Variants in RAB44 observed in about 807,000 individuals in gnomAD.
RAB44 encodes the protein ras-related protein Rab-44.
In RAB44, 67 loss-of-function variants were observed where a neutral mutation model predicts 93.3. That is an observed-to-expected ratio of 0.72 (90% CI 0.59 to 0.88). RAB44 has a LOEUF of 0.88. RAB44 is among the 40% of genes least tolerant of loss of function. The pLI is 0.00. For synonymous variants in RAB44, 427 were observed against 520.3 expected (o/e 0.82, Z 2.44); for missense variants, 1,064 against 1,261.7 (o/e 0.84, Z 2.37).
At chr6:36,715,747 G>A (rs982020012) in intron 4 of RAB44, 94 bp downstream of exon 4, 5 of 1,291,770 alleles carry the variant, frequency 3.9e-6, no homozygotes, top group African/African-American at 1.5e-5. Flanking sequence ...GGGGGCAGGC[G>A]CCAGGTAGAG....
chr6:36,705,068 C>T (rs983762176), intron 2 of RAB44, among the ~76,000 whole-genome samples: 16 of 148,750 alleles, frequency 1.1e-4, no homozygotes, highest in African/African-American at 3.5e-4. Context: ...TTGCAGTGAG[C>T]CAAGATCACA....
In RAB44 at chr6:36,721,421, T is replaced by A. The variant is rs75667310; in HGVS notation, c.1287T>A (p.Asp429Glu). Residue 429 changes from aspartate (D) to glutamate (E), a missense_variant, in exon 9 of 14, where the codon GAT becomes GAA. Coordinates refer to ENST00000612677, the MANE Select transcript of RAB44 (RefSeq NM_001257357.2). ...LFGQEPSSDP[D>E]GAPRTPPGVT... ...GTCAGGAGCCATCTTCAGATCCAGA[T>A]GGGGCTCCAAGGACCCCACCTGGGG... 34,324 of 1,234,042 alleles carry A rather than the reference T, an allele frequency of 0.028. 2,790 individuals carry two copies. The African/African-American group carries it at 0.28, about 10-fold the overall frequency. The allele number at this position is 1,234,042 out of a possible 1,614,324, so 76.4% of individuals were successfully genotyped here.
At chr6:36,702,220 A>G (rs1236176456) in intron 1 of RAB44, among the ~76,000 whole-genome samples, 1 of 151,664 alleles carries the variant, frequency 6.6e-6, no homozygotes, top group East Asian at 1.9e-4. Flanking sequence ...AGCCCCTAAT[A>G]GTGGACTCCA....
At chr6:36,725,491 T>C (rs1346008536) in intron 9 of RAB44, among the ~76,000 whole-genome samples, 1 of 152,266 alleles carries the variant, frequency 6.6e-6, no homozygotes, top group African/African-American at 2.4e-5. Flanking sequence ...GCATTCCTTC[T>C]GCCCCTCTGG....
intron 1 of RAB44, among the ~76,000 whole-genome samples, chr6:36,699,539 G>A (rs568644521): frequency 2.6e-5 from 4 of 152,104 alleles, no homozygotes; most frequent in Non-Finnish European, 4.4e-5. Flanking sequence ...GCCTGTCAAC[G>A]CCCACCCCGT....
intron 1 of RAB44, 55 bp from the exon 2 acceptor site, chr6:36,704,169 C>T: frequency 1.4e-6 from 2 of 1,433,746 alleles, no homozygotes; most frequent in Non-Finnish European, 1.9e-6. Flanking sequence ...GGTTTTGAGC[C>T]ATGAGAGGGC....
chr6:36,701,291 T>C (rs572159546), intron 1 of RAB44, among the ~76,000 whole-genome samples: 15 of 152,236 alleles, frequency 9.9e-5, no homozygotes, highest in African/African-American at 3.1e-4. Context: ...TTGTTTTTGA[T>C]AGAGATGGAG....
intron 7 of RAB44, among the ~76,000 whole-genome samples, chr6:36,720,017 C>T (rs187654109): frequency 1.1e-4 from 17 of 152,294 alleles, no homozygotes; most frequent in African/African-American, 3.6e-4. Context: ...ATCAGGAGCC[C>T]CCTGTAGACC....
chr6:36,720,998 G>A (rs1362688204), intron 8 of RAB44, among the ~76,000 whole-genome samples, 153 bp from the exon 9 acceptor site: 3 of 152,206 alleles, frequency 2.0e-5, no homozygotes, highest in Non-Finnish European at 4.4e-5. Context: ...GAGGAATGGG[G>A]AGCACATACC....
chr6:36,716,152 T>A (rs1206444862), intron 4 of RAB44, among the ~76,000 whole-genome samples: 1 of 152,102 alleles, frequency 6.6e-6, no homozygotes, highest in East Asian at 1.9e-4. Flanking sequence ...GCTCTAGGTG[T>A]CAGGGGTTTG....
At position 36,731,452 on chromosome 6, in the gene RAB44, T is replaced by C. The variant is rs1305872612; in HGVS notation, c.2976-551T>C. On this transcript the variant is annotated intron_variant, in intron 13 of 13. Transcript: ENST00000612677. This position sits in a 1 kb window ranked among gnomAD's most constrained non-coding sequence, Gnocchi z 4.0. ...ATAAATGAATAAAATGAGTAAGGCA[T>C]GAGGGGAGCTAGATCAGATGAGCAC... Among the ~76,000 whole-genome samples, 1 of 152,188 alleles carries C rather than the reference T, an allele frequency of 6.6e-6. No individual in the cohort carries two copies. Among genetic ancestry groups the C allele is most frequent in the African/African-American group, 2.4e-5 (1 of 41,440 alleles).
rs78997782 is a variant in RAB44, at chr6:36,713,615, G to A, written c.208-213G>A. Among the ~76,000 whole-genome samples the A allele has an allele frequency of 2.0e-3, 312 of 152,334 alleles. 2 individuals are homozygous for A. Among genetic ancestry groups the A allele is most frequent in the African/African-American group, 7.3e-3 (303 of 41,570 alleles). On this transcript the variant is annotated intron_variant, in intron 2 of 13. Coordinates refer to ENST00000612677, the MANE Select transcript of RAB44 (RefSeq NM_001257357.2). The stretch of plus-strand genomic sequence containing the variant: ...CGTTTTGATTTTGGATGGAGAGAGT[G>A]AAAAGAGCTGGAGCCAGTTCAGGGC...
chr6:36,726,276 C>T (rs1309033544), intron 10 of RAB44, among the ~76,000 whole-genome samples: 1 of 152,134 alleles, frequency 6.6e-6, no homozygotes. Context: ...GATGGAGTCT[C>T]GCTGTATTGC....
intron 9 of RAB44, among the ~76,000 whole-genome samples, chr6:36,724,941 G>A (rs1763198590): frequency 6.6e-6 from 1 of 152,144 alleles, no homozygotes; most frequent in African/African-American, 2.4e-5. Context: ...TGCATTTGAG[G>A]ACGGGACCAG....
In RAB44 at chr6:36,728,685, A is replaced by T; in HGVS notation, c.2797-15A>T. On this transcript the variant is annotated splice_polypyrimidine_tract_variant and intron_variant, in intron 11 of 13. Coordinates refer to ENST00000612677, the MANE Select transcript of RAB44 (RefSeq NM_001257357.2). ...ACACAGTGGGTGTGGCTGACAGAAC[A>T]TGTTCTGTGTGCAGGATGCAGGGTC... 6.5e-7 allele frequency: 1 copy of T among 1,549,004 alleles called. No individual in the cohort carries two copies. Among genetic ancestry groups the T allele is most frequent in the South Asian group, 1.2e-5 (1 of 84,036 alleles).
intron 1 of RAB44, among the ~76,000 whole-genome samples, chr6:36,699,533 G>A (rs547222003): frequency 1.3e-5 from 2 of 152,298 alleles, no homozygotes; most frequent in African/African-American, 4.8e-5. Flanking sequence ...AGCCAAGCCT[G>A]TCAACGCCCA....
intron 9 of RAB44, among the ~76,000 whole-genome samples, chr6:36,725,207 G>T (rs548811313): frequency 6.6e-6 from 1 of 151,742 alleles, no homozygotes; most frequent in Non-Finnish European, 1.5e-5. Context: ...TTTCACTCTC[G>T]TTGCCCAGGC....
At chr6:36,728,656 T>TG in intron 11 of RAB44, 44 bp from the exon 12 acceptor site, 5 of 1,504,566 alleles carry the variant, frequency 3.3e-6, no homozygotes, top group Non-Finnish European at 4.5e-6. Flanking sequence ...GCCAGGAGCC[T>TG]GGCACACAGT....
At chr6:36,724,894 GC>G (rs1763197531) in intron 9 of RAB44, among the ~76,000 whole-genome samples, 1 of 152,070 alleles carries the variant, frequency 6.6e-6, no homozygotes, top group Admixed American at 6.5e-5. Context: ...CTCCATTCCT[GC>G]TCCCCCACCT....
Sources: gnomAD v4.1 joint callset for allele counts (sites outside exome capture counted in the v4.1 genomes callset) on GRCh38, gnomAD v4.1.1 for gene constraint, Gnocchi (gnomAD v3.1) non-coding constraint, MANE v1.5 for transcripts, NCBI Gene and HGNC (gene_info 2026-07-23, HGNC 2026-07-21) for gene names.